The following CNTN5 variants were observed in gnomAD, a reference collection of about 807,000 sequenced individuals.
CNTN5 encodes the protein contactin-5.
Under a neutral mutation model 129.1 loss-of-function variants are expected in CNTN5, and 77 were observed. The observed-to-expected ratio is 0.60, with a 90% CI of 0.50 to 0.72. CNTN5 has a LOEUF of 0.72. CNTN5 is among the 30% of genes least tolerant of loss of function. The pLI is 0.00. For synonymous variants in CNTN5, 509 were observed against 465.6 expected (o/e 1.09, Z -1.20); for missense variants, 1,478 against 1,328.8 (o/e 1.11, Z -1.75).
intron 17 of CNTN5, among the ~76,000 whole-genome samples, chr11:100,265,815 T>A (rs779746785): frequency 3.3e-5 from 5 of 152,136 alleles, no homozygotes; most frequent in African/African-American, 4.8e-5. Context: ...AGCCATAACA[T>A]CTCACTTGCA....
chr11:99,943,248 T>A (rs1950481202), intron 7 of CNTN5, among the ~76,000 whole-genome samples: 1 of 152,306 alleles, frequency 6.6e-6, no homozygotes, highest in East Asian at 1.9e-4. Flanking sequence ...TGAGATGGTG[T>A]CTCATTGTGG....
intron 2 of CNTN5, among the ~76,000 whole-genome samples, chr11:99,449,793 C>T (rs1045717801): frequency 6.6e-6 from 1 of 152,098 alleles, no homozygotes; most frequent in Admixed American, 6.6e-5. Flanking sequence ...TCCCCAAGCG[C>T]TTATAAAACC....
chr11:100,032,997 T>C (rs1018187435), intron 9 of CNTN5, among the ~76,000 whole-genome samples: 2 of 152,182 alleles, frequency 1.3e-5, no homozygotes, highest in African/African-American at 4.8e-5. Flanking sequence ...TATATACTTT[T>C]ATAAAACTCT....
At chr11:99,140,387 T>A (rs2135459722) in intron 1 of CNTN5, among the ~76,000 whole-genome samples, 1 of 152,286 alleles carries the variant, frequency 6.6e-6, no homozygotes, top group Non-Finnish European at 1.5e-5. Flanking sequence ...AGAGACTGTG[T>A]GGTTCTCTAG....
chr11:99,133,362 A>T (rs953644962), intron 1 of CNTN5, among the ~76,000 whole-genome samples: 7 of 130,244 alleles, frequency 5.4e-5, no homozygotes, highest in Non-Finnish European at 9.5e-5. Flanking sequence ...TTTTATGATG[A>T]AATTGCCAAA....
chr11:99,586,337 T>C (rs548014245), intron 3 of CNTN5, among the ~76,000 whole-genome samples: 92 of 152,096 alleles, frequency 6.0e-4, no homozygotes, highest in Middle Eastern at 3.4e-3. Flanking sequence ...CTCAGCATAA[T>C]AACGGACATA....
At chr11:99,413,715 T>G (rs1409311922) in intron 2 of CNTN5, among the ~76,000 whole-genome samples, 4 of 152,198 alleles carry the variant, frequency 2.6e-5, no homozygotes, top group Non-Finnish European at 5.9e-5. Flanking sequence ...AAATTCGTTT[T>G]TTTCTCAGAA....
At chr11:99,991,201 C>G (rs546954273) in intron 8 of CNTN5, among the ~76,000 whole-genome samples, 4 of 152,092 alleles carry the variant, frequency 2.6e-5, no homozygotes, top group Non-Finnish European at 5.9e-5. Flanking sequence ...GGCGTGGTGG[C>G]TCACGCCTGT....
chr11:100,179,729 T>A lies in CNTN5; in HGVS notation c.1581-11397T>A, dbSNP rs528834859. On this transcript the variant is annotated intron_variant, in intron 13 of 24. Transcript: ENST00000524871. ...CACTTGTTACTAGATTATAACCATA[T>A]TGAACTAAAAATAATTTATCCATTG... Among the ~76,000 whole-genome samples the A allele has an allele frequency of 4.6e-5, 7 of 152,160 alleles. No individual in the cohort carries two copies. The East Asian group carries it at 1.4e-3, about 29-fold the overall frequency.
At chr11:100,078,449 A>G (rs1338422648) in intron 13 of CNTN5, among the ~76,000 whole-genome samples, 1 of 152,168 alleles carries the variant, frequency 6.6e-6, no homozygotes, top group East Asian at 1.9e-4. Context: ...TTTGTTATTT[A>G]TATCACAGAA....
intron 2 of CNTN5, among the ~76,000 whole-genome samples, chr11:99,500,751 G>A (rs1268981029): frequency 6.6e-6 from 1 of 152,022 alleles, no homozygotes; most frequent in Non-Finnish European, 1.5e-5. Flanking sequence ...AATAGCAATG[G>A]GTGTATTCCT....
intron 3 of CNTN5, among the ~76,000 whole-genome samples, chr11:99,686,278 G>C (rs1186420411): frequency 6.6e-6 from 1 of 151,884 alleles, no homozygotes. Flanking sequence ...TTTTTATTCT[G>C]TTGACAGAAA....
intron 23 of CNTN5, among the ~76,000 whole-genome samples, chr11:100,349,738 A>T (rs996098194): frequency 5.9e-5 from 9 of 151,900 alleles, no homozygotes; most frequent in Non-Finnish European, 1.2e-4. Context: ...GAATAAAAAC[A>T]CATTTAAACA....
intron 3 of CNTN5, among the ~76,000 whole-genome samples, chr11:99,768,412 A>G (rs546404423): frequency 1.3e-5 from 2 of 152,248 alleles, no homozygotes; most frequent in East Asian, 1.9e-4. Context: ...GTATTTAACA[A>G]TGGTACAGTA....
chr11:100,150,533 T>C (rs559033432), intron 13 of CNTN5, among the ~76,000 whole-genome samples: 6 of 139,720 alleles, frequency 4.3e-5, no homozygotes, highest in Non-Finnish European at 9.5e-5. Flanking sequence ...AGTTAATCTA[T>C]AAATATTTCA....
At chr11:99,129,794 T>A (rs905495115) in intron 1 of CNTN5, among the ~76,000 whole-genome samples, 1 of 151,832 alleles carries the variant, frequency 6.6e-6, no homozygotes, top group Non-Finnish European at 1.5e-5. Context: ...TCAGAAGAGA[T>A]TGGGAGCCAA....
At chr11:99,837,051 T>G (rs1478563155) in intron 4 of CNTN5, among the ~76,000 whole-genome samples, 1 of 152,158 alleles carries the variant, frequency 6.6e-6, no homozygotes, top group Non-Finnish European at 1.5e-5. Flanking sequence ...GCAAGGTCTT[T>G]ATGACTTGTA....
At chr11:99,891,700 T>C (rs1305203043) in intron 6 of CNTN5, among the ~76,000 whole-genome samples, 1 of 152,224 alleles carries the variant, frequency 6.6e-6, no homozygotes, top group Non-Finnish European at 1.5e-5. Context: ...TTGGTGTTTA[T>C]GTGCCACATT....
intron 2 of CNTN5, among the ~76,000 whole-genome samples, chr11:99,476,437 A>T (rs1475807149): frequency 6.6e-6 from 1 of 152,114 alleles, no homozygotes; most frequent in Non-Finnish European, 1.5e-5. Context: ...CACCATATGG[A>T]ATATGTTAAG....
Sources: allele counts gnomAD v4.1 joint callset (sites outside exome capture counted in the v4.1 genomes callset), GRCh38; gene constraint gnomAD v4.1.1; transcripts MANE v1.5; gene names NCBI Gene and HGNC (gene_info 2026-07-23, HGNC 2026-07-21).